KATNAL2: variants seen among roughly 807,000 people sequenced by gnomAD.
KATNAL2 encodes the protein katanin p60 ATPase-containing subunit A-like 2.
Under a neutral mutation model 76.3 loss-of-function variants are expected in KATNAL2, and 52 were observed. The ratio of observed to expected loss-of-function variants is 0.68; its 90% CI spans 0.55 to 0.86. KATNAL2 has a LOEUF of 0.86. Ranked by LOEUF, KATNAL2 falls within the 40% of genes least tolerant of loss-of-function variation. The pLI, the probability that KATNAL2 is intolerant of heterozygous loss-of-function variation, is 0.00. For synonymous variants in KATNAL2, 243 were observed against 244.2 expected, an observed-to-expected ratio of 1.00 and a Z score of 0.05; for missense variants, 660 against 668.9, an observed-to-expected ratio of 0.99 and a Z score of 0.15.
At chr18:46,952,236 T>C (rs2059578463) in intron 3 of KATNAL2, among the ~76,000 whole-genome samples, 2 of 151,572 alleles carry the variant, frequency 1.3e-5, no homozygotes, top group South Asian at 4.2e-4. Flanking sequence ...CCACACCTGG[T>C]TAAATTTTTT....
chr18:47,067,073 A>T lies in KATNAL2; in HGVS notation c.779A>T (p.Asp260Val). ...AAGTGGAATGACATTATTGGACTTG[A>T]TGCAGCCAAGCAGTTAGTCAAAGAA... The part of the protein sequence containing the change: ...NIKWNDIIGL[D>V]AAKQLVKEAV... Residue 260 changes from aspartate to valine, a missense_variant, in exon 11 of 18, where the codon GAT becomes GTT. Transcript: ENST00000683218. The T allele has an allele frequency of 6.3e-7, 1 of 1,588,380 alleles. No individual in the cohort carries two copies. Among genetic ancestry groups the T allele is most frequent in the Non-Finnish European group, 8.6e-7 (1 of 1,162,790 alleles).
intron 3 of KATNAL2, among the ~76,000 whole-genome samples, chr18:46,960,609 A>G (rs1041191649): frequency 1.3e-5 from 2 of 152,166 alleles, no homozygotes; most frequent in African/African-American, 2.4e-5. Context: ...TAGAGGAAAA[A>G]CATATGAAGC....
rs373665025 is a variant in KATNAL2 at position 47,063,050 on chromosome 18, G to T, written c.628G>T (p.Asp210Tyr). ...CAGTGAACTTGCCTTGAACACCTTC[G>T]ACCATAATCCAGACCCCTCAGTAAG... ...ATSELALNTF[D>Y]HNPDPSERLL... The change falls in exon 9 of 18, where the codon GAC (aspartate) becomes TAC (tyrosine). Residue 210 changes from aspartate (D) to tyrosine (Y), a missense_variant. Transcript: ENST00000683218. 1.5e-5 allele frequency: 24 copies of T among 1,613,830 alleles called. No individual in the cohort carries two copies. The highest frequency in any genetic ancestry group is 2.0e-5 in the Non-Finnish European group (24 of 1,179,954).
chr18:47,061,683 C>T (rs976782493), intron 8 of KATNAL2, among the ~76,000 whole-genome samples: 10 of 152,222 alleles, frequency 6.6e-5, no homozygotes, highest in African/African-American at 2.4e-4. Context: ...CTCAGATGCT[C>T]CCCCACTATG....
intron 13 of KATNAL2, among the ~76,000 whole-genome samples, chr18:47,071,803 G>A (rs1029390112): frequency 4.0e-5 from 6 of 151,146 alleles, no homozygotes; most frequent in Non-Finnish European, 7.4e-5. Context: ...CATCCTGTGT[G>A]AGCATTGTAT....
intron 4 of KATNAL2, among the ~76,000 whole-genome samples, chr18:47,049,718 T>C (rs938013449): frequency 2.6e-5 from 4 of 152,200 alleles, no homozygotes; most frequent in African/African-American, 7.2e-5. Flanking sequence ...GTTTTGTTAT[T>C]GTGGTTGTTG....
At position 47,034,949 on chromosome 18, in the gene KATNAL2, G is replaced by A. The variant is rs2060693941; in HGVS notation, c.52-11508G>A. The A allele has an allele frequency of 1.9e-6, 3 of 1,611,752 alleles. No individual in the cohort carries two copies. In the East Asian group the frequency reaches 6.7e-5, roughly 36 times the overall value. ...TCTGGGAAGCCCCAGGCCTTTTCCT[G>A]GTCCTGAAGAGCCTCCCCGAAGCGC... On this transcript the variant is annotated intron_variant, in intron 3 of 17. Transcript: ENST00000683218.
At chr18:47,054,711 TA>T (rs2061424359) in intron 6 of KATNAL2, 1 of 372,934 alleles carries the variant, frequency 2.7e-6, no homozygotes, top group Non-Finnish European at 4.8e-6. Context: ...CCTCAAAGGT[TA>T]AAAGACCCAG....
intron 1 of KATNAL2, among the ~76,000 whole-genome samples, chr18:46,937,085 A>G (rs2059116248): frequency 6.6e-6 from 1 of 152,218 alleles, no homozygotes. Context: ...GAAGGCTGTC[A>G]TGAGGCAGTT....
chr18:47,077,426 T>C lies in KATNAL2; in HGVS notation c.1176T>C (p.Asp392=), dbSNP rs1392019062. The part of the protein sequence containing the change: ...VQMDGLARSE[D]LVFVLAASNL... The stretch of plus-strand genomic sequence containing the variant: ...TGGATGGGCTGGCACGCTCAGAAGA[T>C]CTCGTATTTGTCTTAGCAGCTTCTA... Residue 392 remains aspartate (D), a synonymous_variant, in exon 15 of 18, where the codon GAT becomes GAC. Coordinates refer to ENST00000683218, the MANE Select transcript of KATNAL2 (RefSeq NM_001387690.1). 2.5e-6 allele frequency: 4 copies of C among 1,613,996 alleles called. No individual in the cohort carries two copies. The highest frequency in any genetic ancestry group is 3.4e-6 in the Non-Finnish European group (4 of 1,179,908).
rs561985190 is a variant in KATNAL2, at chr18:46,960,147, A to C, written c.51+13224A>C. Among the ~76,000 whole-genome samples the C allele has an allele frequency of 6.6e-4, 100 of 152,286 alleles. 3 individuals are homozygous for C. In the South Asian group the frequency reaches 0.02, roughly 30 times the overall value. ...ATTCTGGTTCTGGAAGGAGAACCCC[A>C]AAAAAGCGGCTGGGCACTGTGGCTC... On this transcript the variant is annotated intron_variant, in intron 3 of 17. Coordinates refer to ENST00000683218, the MANE Select transcript of KATNAL2 (RefSeq NM_001387690.1).
chr18:47,100,150 A>G lies in KATNAL2; in HGVS notation c.1375-104A>G, dbSNP rs544152531. ...TTTAGGATGTTCATGGGTGACAGAT[A>G]CAGAATCTACACAGGGCTTCTGATA... On this transcript the variant is annotated intron_variant, in intron 16 of 17. Coordinates refer to ENST00000683218, the MANE Select transcript of KATNAL2 (RefSeq NM_001387690.1). The G allele has an allele frequency of 2.8e-5, 21 of 737,258 alleles. No homozygotes were observed. The African/African-American group carries it at 3.5e-4, about 12-fold the overall frequency. The allele number at this position is 737,258 out of a possible 1,614,324, so 45.7% of individuals were successfully genotyped here.
chr18:46,947,341 A>G (rs887724298), intron 3 of KATNAL2, among the ~76,000 whole-genome samples: 54 of 152,356 alleles, frequency 3.5e-4, no homozygotes, highest in African/African-American at 1.2e-3. Flanking sequence ...ATTTGCCATC[A>G]CTAAGGCGAG....
chr18:46,946,082 A>G lies in KATNAL2; in HGVS notation c.-484A>G, dbSNP rs1376158902. On this transcript the variant is annotated 5_prime_UTR_variant, in exon 2 of 18. Coordinates refer to ENST00000683218, the MANE Select transcript of KATNAL2 (RefSeq NM_001387690.1). ...ATTGAGGAAACTTGAATATTTTTGT[A>G]TCCTGAAGGGAGAAATGGATGAAGA... is the stretch of plus-strand genomic sequence containing the variant. 2.6e-5 allele frequency: 12 copies of G among 456,738 alleles called. No individual in the cohort carries two copies. The highest frequency in any genetic ancestry group is 3.2e-5 in the Non-Finnish European group (11 of 345,702). 28.3% of individuals were successfully genotyped at this position (456,738 alleles called of 1,614,324 possible).
At chr18:46,932,911 C>T (rs185782544) in intron 1 of KATNAL2, among the ~76,000 whole-genome samples, 147 of 151,668 alleles carry the variant, frequency 9.7e-4, no homozygotes, top group South Asian at 3.8e-3. Context: ...ATTACAGGCG[C>T]GCTACCATGC....
intron 4 of KATNAL2, among the ~76,000 whole-genome samples, chr18:47,051,098 T>C (rs1263911871): frequency 1.3e-5 from 2 of 152,114 alleles, no homozygotes; most frequent in African/African-American, 4.8e-5. Flanking sequence ...TATGGCCCAG[T>C]ATTGCACACT....
At chr18:46,929,265 C>G (rs1026906459) in intron 1 of KATNAL2, among the ~76,000 whole-genome samples, 2 of 151,512 alleles carry the variant, frequency 1.3e-5, no homozygotes, top group Non-Finnish European at 2.9e-5. Context: ...TTTTTTGAGA[C>G]AGAGTCTCAC....
At chr18:47,047,704 A>G (rs1188015410) in intron 4 of KATNAL2, among the ~76,000 whole-genome samples, 1 of 151,984 alleles carries the variant, frequency 6.6e-6, no homozygotes, top group Non-Finnish European at 1.5e-5. Flanking sequence ...TAGGTTTCAG[A>G]CTAAGAGCTT....
chr18:46,939,617 G>A (rs1453958069), intron 1 of KATNAL2, among the ~76,000 whole-genome samples: 1 of 152,096 alleles, frequency 6.6e-6, no homozygotes, highest in East Asian at 1.9e-4. Context: ...GATCTTGCAT[G>A]CTAGCCACAG....
Sources: gnomAD v4.1 joint callset for allele counts (sites outside exome capture counted in the v4.1 genomes callset) on GRCh38, gnomAD v4.1.1 for gene constraint, MANE v1.5 for transcripts, NCBI Gene and HGNC (gene_info 2026-07-23, HGNC 2026-07-21) for gene names.